TMEM132B: variants seen among roughly 807,000 people sequenced by gnomAD.
TMEM132B encodes transmembrane protein 132B.
Under a neutral mutation model 90.8 loss-of-function variants are expected in TMEM132B, and 18 were observed. The ratio of observed to expected loss-of-function variants is 0.20; its 90% CI spans 0.14 to 0.29. The LOEUF (loss-of-function observed/expected upper bound fraction) is 0.29. Among genes scored for constraint, TMEM132B ranks in the 10% least tolerant of loss-of-function variants. The probability of loss-of-function intolerance (pLI) is 1.00; values close to 1 mark genes in which losing one functional copy is unlikely to be tolerated. For missense variants in TMEM132B, 1,096 were observed against 1,326.8 expected (o/e 0.83, Z 2.70); for synonymous variants, 504 against 523.3 (o/e 0.96, Z 0.50).
intron 1 of TMEM132B, among the ~76,000 whole-genome samples, chr12:125,217,594 G>A (rs761092493): frequency 1.3e-5 from 2 of 152,036 alleles, no homozygotes; most frequent in African/African-American, 2.4e-5. Flanking sequence ...CTACAGGCAG[G>A]CACCACCATG....
chr12:125,501,731 G>A (rs1265746309), intron 3 of TMEM132B, among the ~76,000 whole-genome samples: 1 of 152,164 alleles, frequency 6.6e-6, no homozygotes. Context: ...TGGAGATTTT[G>A]TGTCCTTTGT....
intron 5 of TMEM132B, among the ~76,000 whole-genome samples, chr12:125,640,917 G>A (rs143019407): frequency 1.0e-4 from 14 of 135,418 alleles, no homozygotes; most frequent in African/African-American, 4.4e-4. Context: ...ACCTTTGCTT[G>A]TAGGAGAAAT....
At chr12:125,604,113 T>C (rs909861475) in intron 5 of TMEM132B, among the ~76,000 whole-genome samples, 3 of 152,230 alleles carry the variant, frequency 2.0e-5, no homozygotes, top group African/African-American at 7.2e-5. Flanking sequence ...CCTAAAGGAA[T>C]GTAAATCATT....
intron 2 of TMEM132B, among the ~76,000 whole-genome samples, chr12:125,396,338 C>T (rs1255698249): frequency 2.6e-5 from 4 of 152,258 alleles, no homozygotes; most frequent in South Asian, 2.1e-4. Flanking sequence ...GTCAGCATTT[C>T]AGTCTAGGCT....
At chr12:125,470,983 G>C (rs543682255) in intron 3 of TMEM132B, among the ~76,000 whole-genome samples, 20 of 152,240 alleles carry the variant, frequency 1.3e-4, no homozygotes, top group Non-Finnish European at 2.5e-4. Context: ...CTCTGGTTAA[G>C]CCTGAGGTCG....
rs191639842 is a variant in TMEM132B at position 125,522,852 on chromosome 12, G to A, written c.1293+3227G>A. 1.3e-4 allele frequency among the ~76,000 whole-genome samples: 20 copies of A among 152,214 alleles called. No homozygotes were observed. The East Asian group carries it at 2.9e-3, about 22-fold the overall frequency. On this transcript the variant is annotated intron_variant, in intron 4 of 8. Coordinates refer to ENST00000682704, the MANE Select transcript of TMEM132B (RefSeq NM_001366854.1). ...TGTTCTACTGACAAAGCCTAATATC[G>A]TGCCCATTGGAAAAGCAAAAATATT...
Position 125,406,293 on chromosome 12 carries a change from G to A in TMEM132B, c.960-9238G>A, listed in dbSNP as rs1879475157. Among the ~76,000 whole-genome samples the A allele has an allele frequency of 6.6e-6, 1 of 152,212 alleles. No homozygotes were observed. The highest frequency in any genetic ancestry group is 2.1e-4 in the South Asian group (1 of 4,834). Reference sequence around the variant, plus strand: ...GATGCTCATCAAGTTTCCTCATGTGGAAAATGGAAGCAGAAGCGATACTAC... The same window carrying A: ...GATGCTCATCAAGTTTCCTCATGTGAAAAATGGAAGCAGAAGCGATACTAC... On this transcript the variant is annotated intron_variant, in intron 2 of 8. Transcript: ENST00000682704. This position sits in a 1 kb window ranked among gnomAD's most constrained non-coding sequence, Gnocchi z 8.3.
chr12:125,252,307 C>T (rs574275052), intron 1 of TMEM132B, among the ~76,000 whole-genome samples: 62 of 152,322 alleles, frequency 4.1e-4, no homozygotes, highest in African/African-American at 1.5e-3. Context: ...TCCCTTCTCT[C>T]TAGTGAGTGC....
chr12:125,607,077 G>A (rs1014592520), intron 5 of TMEM132B, among the ~76,000 whole-genome samples: 2 of 152,194 alleles, frequency 1.3e-5, no homozygotes, highest in Admixed American at 6.5e-5. Flanking sequence ...TGCAGGGTGA[G>A]CTCCGGTACA....
At chr12:125,254,939 C>G (rs1364218225) in intron 1 of TMEM132B, among the ~76,000 whole-genome samples, 3 of 152,112 alleles carry the variant, frequency 2.0e-5, no homozygotes. Flanking sequence ...CCCGCCTCAG[C>G]CTCCCAAATT....
rs1224944337 is a variant in TMEM132B, at chr12:125,284,324, T to C, written c.68-65128T>C. The stretch of plus-strand genomic sequence containing the variant: ...TTGCAGAGATTTTTCTATGCATGTA[T>C]GAGCCATCACCTATTTTTGATTCAT... On this transcript the variant is annotated intron_variant, in intron 1 of 8. Coordinates refer to ENST00000682704, the MANE Select transcript of TMEM132B (RefSeq NM_001366854.1). 2.0e-5 allele frequency among the ~76,000 whole-genome samples: 3 copies of C among 152,232 alleles called. No homozygotes were observed. The East Asian group carries it at 5.8e-4, about 29-fold the overall frequency.
intron 3 of TMEM132B, among the ~76,000 whole-genome samples, chr12:125,516,762 T>C (rs1883172097): frequency 6.6e-6 from 1 of 152,226 alleles, no homozygotes; most frequent in Non-Finnish European, 1.5e-5. Flanking sequence ...TTAGCTTCTC[T>C]GAGGTCTACG....
At chr12:125,545,354 A>G (rs999265181) in intron 4 of TMEM132B, among the ~76,000 whole-genome samples, 17 of 152,234 alleles carry the variant, frequency 1.1e-4, no homozygotes, top group African/African-American at 4.1e-4. Flanking sequence ...ACCATAGATC[A>G]TTTAGGATAC....
intron 1 of TMEM132B, among the ~76,000 whole-genome samples, chr12:125,252,164 C>A (rs569756960): frequency 6.6e-6 from 1 of 152,288 alleles, no homozygotes; most frequent in Non-Finnish European, 1.5e-5. Flanking sequence ...TAATGACAAC[C>A]AAGACAAGCC....
intron 3 of TMEM132B, among the ~76,000 whole-genome samples, chr12:125,448,313 A>G (rs1218024530): frequency 3.3e-5 from 5 of 152,170 alleles, no homozygotes; most frequent in Admixed American, 3.3e-4. Flanking sequence ...ATCACCATCA[A>G]CTAGATGCAG....
intron 1 of TMEM132B, among the ~76,000 whole-genome samples, chr12:125,348,813 A>G (rs145918528): frequency 3.2e-4 from 48 of 152,328 alleles, no homozygotes; most frequent in African/African-American, 1.1e-3. Context: ...CTCAGCACAT[A>G]TGTTCTTAAG....
chr12:125,286,464 T>C (rs905102698), intron 1 of TMEM132B, among the ~76,000 whole-genome samples: 60 of 152,334 alleles, frequency 3.9e-4, no homozygotes, highest in African/African-American at 1.3e-3. Context: ...TGGTGAAGTA[T>C]TTGGCAGGAA....
chr12:125,405,732 C>A (rs1471810415), intron 2 of TMEM132B, among the ~76,000 whole-genome samples: 1 of 152,114 alleles, frequency 6.6e-6, no homozygotes, highest in Non-Finnish European at 1.5e-5. Flanking sequence ...ATTTGTAAGT[C>A]TAGGATAATG....
intron 1 of TMEM132B, among the ~76,000 whole-genome samples, chr12:125,324,553 C>T (rs1035443726): frequency 6.6e-6 from 1 of 152,176 alleles, no homozygotes; most frequent in African/African-American, 2.4e-5. Context: ...GGAACCGGAC[C>T]ACACAGCAGC....
Sources: gnomAD v4.1 joint callset for allele counts (sites outside exome capture counted in the v4.1 genomes callset) on GRCh38, gnomAD v4.1.1 for gene constraint, Gnocchi (gnomAD v3.1) non-coding constraint, MANE v1.5 for transcripts, NCBI Gene and HGNC (gene_info 2026-07-23, HGNC 2026-07-21) for gene names.